TMEM74: variants seen among roughly 807,000 people sequenced by gnomAD.
TMEM74 encodes the protein transmembrane protein 74.
Under a neutral mutation model 18.1 loss-of-function variants are expected in TMEM74, and 13 were observed. That is an observed-to-expected ratio of 0.72 (90% CI 0.47 to 1.14). TMEM74 has a LOEUF of 1.14. Ranked by LOEUF, TMEM74 falls within the 50% of genes most tolerant of loss-of-function variation. The pLI is 0.00. For missense variants in TMEM74, 372 were observed against 375.9 expected, an observed-to-expected ratio of 0.99 and a Z score of 0.09; for synonymous variants, 159 against 146.6, an observed-to-expected ratio of 1.08 and a Z score of -0.61.
intron 2 of TMEM74, among the ~76,000 whole-genome samples, chr8:108,645,343 A>C (rs767638378): frequency 2.0e-5 from 3 of 152,020 alleles, no homozygotes; most frequent in Non-Finnish European, 4.4e-5. Flanking sequence ...TGACACTGGA[A>C]ACTCCACAAT....
intron 1 of TMEM74, among the ~76,000 whole-genome samples, chr8:108,683,330 A>G (rs1813134279): frequency 1.3e-5 from 2 of 151,570 alleles, no homozygotes; most frequent in Non-Finnish European, 3.0e-5. Context: ...AAGAAAAAAT[A>G]AGAGGAAACT....
At chr8:108,761,649 C>A (rs748624936) in intron 1 of TMEM74, among the ~76,000 whole-genome samples, 2 of 152,064 alleles carry the variant, frequency 1.3e-5, no homozygotes, top group Non-Finnish European at 2.9e-5. Flanking sequence ...AAATATGTTA[C>A]CCTCTTCCTA....
At position 108,756,695 on chromosome 8, in the gene TMEM74, A is replaced by AAG. The variant is rs1813975163; in HGVS notation, n.119+30780_119+30781insCT. Among the ~76,000 whole-genome samples the AAG allele has an allele frequency of 1.3e-3, 109 of 84,662 alleles. 1 individual carries two copies. Among genetic ancestry groups the AAG allele is most frequent in the African/African-American group, 5.5e-3 (101 of 18,438 alleles). The allele number at this position is 84,662 out of a possible 152,430, so 55.5% of individuals were successfully genotyped here. ...AAGAAAGAAAGAAAGAAAGAAAGAA[A>AAG]GAAGGAAGGAAAGAAAGAAAGAAAG... On this transcript the variant is annotated intron_variant and non_coding_transcript_variant, in intron 1 of 3. Coordinates refer to the TMEM74 transcript ENST00000518838.
chr8:108,711,390 T>C (rs1813473802), intron 1 of TMEM74, among the ~76,000 whole-genome samples: 1 of 152,240 alleles, frequency 6.6e-6, no homozygotes, highest in Admixed American at 6.5e-5. Flanking sequence ...ACACTCTCCC[T>C]GTCTTCTACT....
At chr8:108,672,894 G>A (rs746733118) in intron 1 of TMEM74, among the ~76,000 whole-genome samples, 2 of 152,194 alleles carry the variant, frequency 1.3e-5, no homozygotes, top group Non-Finnish European at 2.9e-5. Flanking sequence ...ATGGGAATGG[G>A]TTTAGTACAA....
intron 1 of TMEM74, among the ~76,000 whole-genome samples, chr8:108,683,430 G>A (rs530989149): frequency 2.6e-5 from 4 of 151,734 alleles, no homozygotes; most frequent in African/African-American, 9.6e-5. Flanking sequence ...TAATGTAAAT[G>A]ATCAAACAAG....
rs71564011 is a variant in TMEM74 at position 108,615,819 on chromosome 8, C to CTTTTT, written n.265-6998_265-6994dup. 4.7e-4 allele frequency among the ~76,000 whole-genome samples: 36 copies of CTTTTT among 76,448 alleles called. 2 individuals are homozygous for CTTTTT. Among genetic ancestry groups the CTTTTT allele is most frequent in the East Asian group, 1.9e-3 (4 of 2,112 alleles). 50.2% of individuals were successfully genotyped at this position (76,448 alleles called of 152,430 possible). A position where few individuals can be genotyped will look rare whatever the true frequency, so the allele number is the denominator to read the frequency against. On this transcript the variant is annotated intron_variant and non_coding_transcript_variant, in intron 2 of 3. Transcript: ENST00000518838. ...TGCAATGATTGGGATTGCATGGGAG[C>CTTTTT]TTTTTTTTTTTTTTTTTTTTTTTGG...
At chr8:108,729,144 G>A (rs1448392591) in intron 1 of TMEM74, among the ~76,000 whole-genome samples, 1 of 152,122 alleles carries the variant, frequency 6.6e-6, no homozygotes, top group Non-Finnish European at 1.5e-5. Context: ...CTTACTGAAG[G>A]CAAAGGGAAA....
chr8:108,638,169 T>G (rs1481791251), intron 2 of TMEM74, among the ~76,000 whole-genome samples: 1 of 152,152 alleles, frequency 6.6e-6, no homozygotes, highest in East Asian at 1.9e-4. Context: ...TGCCTAAAGC[T>G]TTTCCAAGCT....
chr8:108,744,725 CT>C (rs1231176286), intron 1 of TMEM74, among the ~76,000 whole-genome samples: 1 of 152,082 alleles, frequency 6.6e-6, no homozygotes, highest in Non-Finnish European at 1.5e-5. Context: ...AATGAACAGG[CT>C]TTAGTTTTAG....
At chr8:108,660,367 T>C (rs993501883) in intron 1 of TMEM74, among the ~76,000 whole-genome samples, 1 of 152,216 alleles carries the variant, frequency 6.6e-6, no homozygotes, top group African/African-American at 2.4e-5. Context: ...AGATGGGCCA[T>C]TGTTTTCCTC....
chr8:108,664,985 A>G (rs1186668906), intron 1 of TMEM74, among the ~76,000 whole-genome samples: 1 of 152,004 alleles, frequency 6.6e-6, no homozygotes, highest in African/African-American at 2.4e-5. Flanking sequence ...ATCAAGTGAA[A>G]ATTGTACCTG....
downstream of TMEM74, among the ~76,000 whole-genome samples, chr8:108,774,194 C>T (rs946387342): frequency 5.9e-5 from 9 of 152,176 alleles, no homozygotes; most frequent in African/African-American, 1.7e-4. Context: ...AACAGACTGG[C>T]TAGCTGTTCA....
chr8:108,736,879 C>G (rs908995022), intron 1 of TMEM74, among the ~76,000 whole-genome samples: 1 of 152,056 alleles, frequency 6.6e-6, no homozygotes, highest in African/African-American at 2.4e-5. Flanking sequence ...TCATTACAAA[C>G]AGGGACATAG....
Position 108,683,432 on chromosome 8 carries a change from TCAAA to T in TMEM74, n.120-27999_120-27996del, listed in dbSNP as rs1417765719. On this transcript the variant is annotated intron_variant and non_coding_transcript_variant, in intron 1 of 3. Coordinates refer to the TMEM74 transcript ENST00000518838. ...TTTTTTCAGACAATAATGTAAATGA[TCAAA>T]CAAGTTTTATTCTAGAAGTGTAAGA... Among the ~76,000 whole-genome samples, 61 of 151,952 alleles carry T rather than the reference TCAAA, an allele frequency of 4.0e-4. 1 individual carries two copies. The highest frequency in any genetic ancestry group is 3.5e-3 in the Admixed American group (54 of 15,256).
intron 2 of TMEM74, among the ~76,000 whole-genome samples, chr8:108,618,512 T>C (rs1413398283): frequency 6.6e-6 from 1 of 152,138 alleles, no homozygotes; most frequent in East Asian, 1.9e-4. Context: ...AGCTTGAATG[T>C]ATTGGTTTGT....
chr8:108,687,950 G>T (rs550266900), intron 1 of TMEM74, among the ~76,000 whole-genome samples: 1 of 152,210 alleles, frequency 6.6e-6, no homozygotes, highest in Non-Finnish European at 1.5e-5. Context: ...GGTTTCTATG[G>T]TTAAATAAGG....
At chr8:108,768,116 C>A (rs1299893419) in intron 1 of TMEM74, among the ~76,000 whole-genome samples, 1 of 152,118 alleles carries the variant, frequency 6.6e-6, no homozygotes, top group Non-Finnish European at 1.5e-5. Context: ...TTCCACTGAC[C>A]ATTAGCCATC....
intron 1 of TMEM74, among the ~76,000 whole-genome samples, chr8:108,712,342 C>G (rs1813482836): frequency 6.6e-6 from 1 of 152,158 alleles, no homozygotes; most frequent in African/African-American, 2.4e-5. Context: ...AAACTAAGCT[C>G]TCTATCTTGA....
Sources: allele counts gnomAD v4.1 joint callset (sites outside exome capture counted in the v4.1 genomes callset), GRCh38; gene constraint gnomAD v4.1.1; transcripts MANE v1.5; gene names NCBI Gene and HGNC (gene_info 2026-07-23, HGNC 2026-07-21).